The following CHRM3 variants were observed in gnomAD, a reference collection of about 807,000 sequenced individuals.
CHRM3 encodes muscarinic acetylcholine receptor M3.
In CHRM3, 11 loss-of-function variants were observed where a neutral mutation model predicts 41.8. That is an observed-to-expected ratio of 0.26 (90% CI 0.17 to 0.44). The LOEUF (loss-of-function observed/expected upper bound fraction) is 0.44, where lower values mean the gene tolerates loss of function less well. Ranked by LOEUF, CHRM3 falls within the 20% of genes least tolerant of loss-of-function variation. CHRM3 has a pLI of 1.00. For missense variants in CHRM3, 571 were observed against 745.4 expected (o/e 0.77, Z 2.72); for synonymous variants, 297 against 301.4 (o/e 0.99, Z 0.15).
At chr1:239,793,679 C>T (rs1049417608) in intron 5 of CHRM3, among the ~76,000 whole-genome samples, 9 of 152,002 alleles carry the variant, frequency 5.9e-5, no homozygotes, top group African/African-American at 2.2e-4. Context: ...TTAAGCAGAC[C>T]ACTGTGAATG....
chr1:239,865,040 C>T (rs762155938), intron 6 of CHRM3, among the ~76,000 whole-genome samples: 4 of 152,146 alleles, frequency 2.6e-5, no homozygotes, highest in Non-Finnish European at 5.9e-5. Flanking sequence ...GGCTGTACCT[C>T]GCGGCATTGT....
Position 239,497,268 on chromosome 1 carries a change from T to C in CHRM3, c.-422+4461T>C, listed in dbSNP as rs549105400. On this transcript the variant is annotated intron_variant, in intron 2 of 6. Transcript: ENST00000676153. ...AGATTGATTAATATTCATTCAAGCTTAATTGGCTTTGGAAAGAAAAAGTAA... is the reference window on the plus strand; with the variant it reads ...AGATTGATTAATATTCATTCAAGCTCAATTGGCTTTGGAAAGAAAAAGTAA... 3.3e-5 allele frequency among the ~76,000 whole-genome samples: 5 copies of C among 152,330 alleles called. No individual in the cohort carries two copies. The South Asian group carries it at 1.0e-3, about 32-fold the overall frequency.
At chr1:239,588,464 A>C (rs1201935884) in intron 3 of CHRM3, among the ~76,000 whole-genome samples, 1 of 152,200 alleles carries the variant, frequency 6.6e-6, no homozygotes, top group African/African-American at 2.4e-5. Flanking sequence ...GTATGGCCAT[A>C]ATCAAGCTCT....
At chr1:239,489,496 C>T (rs1260929493) in intron 1 of CHRM3, among the ~76,000 whole-genome samples, 1 of 152,102 alleles carries the variant, frequency 6.6e-6, no homozygotes. Flanking sequence ...TGAATGTCAT[C>T]TAACCCTTTA....
intron 2 of CHRM3, among the ~76,000 whole-genome samples, chr1:239,533,751 C>CAAAAAAAAAAAAAAAAAAAAA (rs963197442): frequency 1.9e-5 from 1 of 51,972 alleles, no homozygotes; most frequent in African/African-American, 5.7e-5. Flanking sequence ...AAAAAAAAAA[C>CAAAAAAAAAAAAAAAAAAAAA]AAAAAAACCC....
intron 2 of CHRM3, among the ~76,000 whole-genome samples, chr1:239,498,833 T>C (rs1269021686): frequency 6.6e-6 from 1 of 152,168 alleles, no homozygotes. Context: ...TTCTGGGCAT[T>C]TGCAAGTTAC....
At chr1:239,583,210 G>A (rs1663068873) in intron 3 of CHRM3, among the ~76,000 whole-genome samples, 1 of 152,162 alleles carries the variant, frequency 6.6e-6, no homozygotes, top group Non-Finnish European at 1.5e-5. Flanking sequence ...ATACGGGAAG[G>A]CAGTATGTTA....
At chr1:239,566,553 C>T (rs1661380227) in intron 3 of CHRM3, among the ~76,000 whole-genome samples, 1 of 152,186 alleles carries the variant, frequency 6.6e-6, no homozygotes, top group Non-Finnish European at 1.5e-5. Flanking sequence ...TTGATTCAAG[C>T]TCTTCTGTGT....
chr1:239,794,085 A>C (rs1669565476), intron 5 of CHRM3, among the ~76,000 whole-genome samples: 1 of 152,262 alleles, frequency 6.6e-6, no homozygotes. Flanking sequence ...GATTACAGGT[A>C]TAAGCCATGG....
chr1:239,821,468 T>C (rs1316566597), intron 5 of CHRM3, among the ~76,000 whole-genome samples: 1 of 152,122 alleles, frequency 6.6e-6, no homozygotes, highest in African/African-American at 2.4e-5. Context: ...TTCCCAGAAA[T>C]TCTCTGATGT....
At chr1:239,566,270 G>C (rs188945072) in intron 3 of CHRM3, among the ~76,000 whole-genome samples, 10 of 152,258 alleles carry the variant, frequency 6.6e-5, no homozygotes, top group Admixed American at 5.9e-4. Context: ...CCAAGCTATA[G>C]ATATTAATGT....
At chr1:239,901,925 A>G (rs1392315845) in intron 6 of CHRM3, among the ~76,000 whole-genome samples, 1 of 152,164 alleles carries the variant, frequency 6.6e-6, no homozygotes, top group African/African-American at 2.4e-5. Flanking sequence ...TTTAATTAAT[A>G]CTTCCAAATC....
At chr1:239,871,182 G>T (rs1271955856) in intron 6 of CHRM3, among the ~76,000 whole-genome samples, 1 of 152,180 alleles carries the variant, frequency 6.6e-6, no homozygotes, top group African/African-American at 2.4e-5. Flanking sequence ...TTCTTAGGTT[G>T]CAAGATGGCA....
intron 6 of CHRM3, among the ~76,000 whole-genome samples, chr1:239,904,408 G>C (rs1392118706): frequency 6.6e-6 from 1 of 152,186 alleles, no homozygotes; most frequent in African/African-American, 2.4e-5. Context: ...CTCAGAGACA[G>C]GGTGTTGACC....
At chr1:239,543,270 G>A (rs1237578058) in intron 2 of CHRM3, among the ~76,000 whole-genome samples, 4 of 152,144 alleles carry the variant, frequency 2.6e-5, no homozygotes, top group Non-Finnish European at 5.9e-5. Flanking sequence ...ATGAAGTGTG[G>A]CTGAGTCTGA....
At chr1:239,507,396 T>C (rs1270714877) in intron 2 of CHRM3, among the ~76,000 whole-genome samples, 1 of 152,192 alleles carries the variant, frequency 6.6e-6, no homozygotes, top group Non-Finnish European at 1.5e-5. Context: ...ACAAGCTCTC[T>C]TCTCTTGTCT....
intron 1 of CHRM3, among the ~76,000 whole-genome samples, chr1:239,409,658 G>C (rs1660912506): frequency 6.6e-6 from 1 of 152,174 alleles, no homozygotes. Context: ...CTTGTCATGA[G>C]CTTTAGTTAC....
intron 4 of CHRM3, among the ~76,000 whole-genome samples, chr1:239,656,178 G>T (rs777811595): frequency 2.6e-5 from 4 of 151,896 alleles, no homozygotes; most frequent in Non-Finnish European, 5.9e-5. Context: ...GGGGGGAAAG[G>T]GTTGAAAAAT....
At chr1:239,550,529 T>A (rs933529197) in intron 3 of CHRM3, among the ~76,000 whole-genome samples, 2 of 152,200 alleles carry the variant, frequency 1.3e-5, no homozygotes, top group African/African-American at 4.8e-5. Flanking sequence ...AATAATTACA[T>A]TTGGCATGTT....
Sources: allele counts gnomAD v4.1 joint callset (sites outside exome capture counted in the v4.1 genomes callset), GRCh38; gene constraint gnomAD v4.1.1; transcripts MANE v1.5; gene names NCBI Gene and HGNC (gene_info 2026-07-23, HGNC 2026-07-21).